The following NBAS variants were observed in gnomAD, a reference collection of about 807,000 sequenced individuals.
NBAS encodes NAG/BC035112 fusion.
Under a neutral mutation model 302.5 loss-of-function variants are expected in NBAS, and 219 were observed. That is an observed-to-expected ratio of 0.72 (90% CI 0.65 to 0.81). The LOEUF is 0.81. Among genes scored for constraint, NBAS ranks in the 30% least tolerant of loss-of-function variants. NBAS has a pLI of 0.00. For synonymous variants in NBAS, 1,118 were observed against 1,021.6 expected (o/e 1.09, Z -1.80); for missense variants, 2,932 against 2,841.6 (o/e 1.03, Z -0.72).
At chr2:14,912,599 A>T in the NBAS span, among the ~76,000 whole-genome samples, 2 of 150,632 alleles carry the variant, frequency 1.3e-5, no homozygotes, top group Admixed American at 6.7e-5. Flanking sequence ...TCTAGTTTAG[A>T]TATCTTCTCC....
the NBAS span, among the ~76,000 whole-genome samples, chr2:14,884,868 A>G: frequency 1.3e-5 from 2 of 152,238 alleles, no homozygotes; most frequent in Non-Finnish European, 2.9e-5. Context: ...GACAGAATCC[A>G]GTGATATGAA....
intron 27 of NBAS, among the ~76,000 whole-genome samples, chr2:15,395,597 G>A (rs533292802): frequency 1.3e-5 from 2 of 151,904 alleles, no homozygotes; most frequent in African/African-American, 2.4e-5. Flanking sequence ...TTCCCTTAAA[G>A]GCAACTTGAA....
chr2:15,218,978 A>G lies in NBAS; in HGVS notation c.6237-10T>C, dbSNP rs1666790331. 6.2e-7 allele frequency: 1 copy of G among 1,614,174 alleles called. No individual in the cohort carries two copies. The highest frequency in any genetic ancestry group is 8.5e-7 in the Non-Finnish European group (1 of 1,180,002). On this transcript the variant is annotated splice_polypyrimidine_tract_variant and intron_variant, in intron 47 of 51. Transcript: ENST00000281513. ...TGAAACCAGCTCCTCACTGCAGGGC[A>G]AAATCCAGAGGTATCTGTAAACTCC...
chr2:15,103,037 T>A, the NBAS span, among the ~76,000 whole-genome samples: 131,766 of 137,366 alleles, frequency 0.96, 63,124 homozygotes, highest in East Asian at 0.99. Context: ...GGAAAGAGGG[T>A]CGGAGGGAGG....
intron 44 of NBAS, among the ~76,000 whole-genome samples, chr2:15,252,297 G>A (rs911300194): frequency 9.2e-5 from 14 of 152,180 alleles, no homozygotes; most frequent in Admixed American, 6.5e-4. Flanking sequence ...TTGGGAGCTC[G>A]AGACCAGCAC....
chr2:14,955,737 C>A, the NBAS span, among the ~76,000 whole-genome samples: 2 of 152,172 alleles, frequency 1.3e-5, no homozygotes, highest in African/African-American at 4.8e-5. Context: ...ACAGCTTGAG[C>A]TAAAGTAGCT....
intron 21 of NBAS, among the ~76,000 whole-genome samples, chr2:15,446,803 C>T (rs960109914): frequency 2.0e-5 from 3 of 150,748 alleles, no homozygotes; most frequent in Non-Finnish European, 4.4e-5. Flanking sequence ...TTACATTATA[C>T]ATGAAGTACT....
intron 12 of NBAS, among the ~76,000 whole-genome samples, chr2:15,481,896 A>G (rs1404714323): frequency 6.6e-6 from 1 of 152,138 alleles, no homozygotes; most frequent in Non-Finnish European, 1.5e-5. Flanking sequence ...TATAAAACCT[A>G]AAAACATCGC....
intron 35 of NBAS, among the ~76,000 whole-genome samples, chr2:15,346,164 A>AT (rs1209004214): frequency 2.0e-5 from 3 of 152,234 alleles, no homozygotes; most frequent in Non-Finnish European, 4.4e-5. Context: ...ATTGGATCTA[A>AT]TTAAACTAAA....
At chr2:15,298,645 A>G (rs1403234484) in intron 40 of NBAS, among the ~76,000 whole-genome samples, 1 of 152,204 alleles carries the variant, frequency 6.6e-6, no homozygotes, top group South Asian at 2.1e-4. Flanking sequence ...TTCAAATTAA[A>G]TTTGAGTAAA....
the NBAS span, among the ~76,000 whole-genome samples, chr2:14,804,561 T>C: frequency 2.0e-5 from 3 of 152,224 alleles, no homozygotes; most frequent in East Asian, 3.8e-4. Context: ...CAGAAACTTA[T>C]GGAAGCCTAA....
At chr2:15,298,845 G>A (rs539647713) in intron 40 of NBAS, among the ~76,000 whole-genome samples, 10 of 152,276 alleles carry the variant, frequency 6.6e-5, no homozygotes, top group African/African-American at 2.4e-4. Context: ...GGGAAACACT[G>A]TTTCTTGTTT....
In NBAS at chr2:15,534,586, A is replaced by G. The variant is rs751927472; in HGVS notation, c.703T>C (p.Tyr235His). The G allele has an allele frequency of 1.5e-5, 24 of 1,613,818 alleles. No homozygotes were observed. The East Asian group carries it at 5.4e-4, about 36-fold the overall frequency. Residue 235 changes from tyrosine to histidine, a missense_variant, in exon 9 of 52, where the codon TAT (tyrosine) becomes CAT (histidine). By Grantham distance (83) the Tyr-to-His change is moderately conservative. Coordinates refer to ENST00000281513, the MANE Select transcript of NBAS (RefSeq NM_015909.4). Reference protein sequence around the residue: ...ESHCFSFSSHYPHGINTAIYH... With the variant: ...ESHCFSFSSHHPHGINTAIYH... ...ATAGCTGTGTTGATTCCATGAGGAT[A>G]ATGACTACTGAAGCTGAAACAGTGA...
the NBAS span, among the ~76,000 whole-genome samples, chr2:14,793,908 G>A: frequency 2.6e-5 from 4 of 151,958 alleles, no homozygotes; most frequent in Admixed American, 6.6e-5. Flanking sequence ...AATATTTTAC[G>A]AGTACCGTGA....
At chr2:15,022,401 C>G in the NBAS span, among the ~76,000 whole-genome samples, 1 of 152,170 alleles carries the variant, frequency 6.6e-6, no homozygotes, top group Non-Finnish European at 1.5e-5. Flanking sequence ...TGGCAGCAAT[C>G]TTACTACCCA....
chr2:15,061,105 G>T, the NBAS span, among the ~76,000 whole-genome samples: 1 of 152,228 alleles, frequency 6.6e-6, no homozygotes, highest in Non-Finnish European at 1.5e-5. Context: ...AGGATGAGAT[G>T]ATAAAACTTG....
At chr2:15,077,920 G>C in the NBAS span, among the ~76,000 whole-genome samples, 9 of 152,088 alleles carry the variant, frequency 5.9e-5, no homozygotes, top group Non-Finnish European at 5.9e-5. Context: ...CTGACCTTGT[G>C]ATCTGCCCGC....
chr2:15,166,925 TAC>T lies in NBAS; in HGVS notation c.*121_*122del, dbSNP rs1664043530. On this transcript the variant is annotated 3_prime_UTR_variant, in exon 52 of 52. Coordinates refer to ENST00000281513, the MANE Select transcript of NBAS (RefSeq NM_015909.4). ...AGCGGCAGCTTGCTCATCGTTTCCA[TAC>T]AGTTTTATTTGCAATTTGTTGGAAC... 7.7e-7 allele frequency: 1 copy of T among 1,299,976 alleles called. No individual in the cohort carries two copies. Among genetic ancestry groups the T allele is most frequent in the African/African-American group, 1.5e-5 (1 of 68,018 alleles). 80.5% of individuals were successfully genotyped at this position (1,299,976 alleles called of 1,614,324 possible).
At chr2:15,124,793 G>T in the NBAS span, among the ~76,000 whole-genome samples, 1 of 152,208 alleles carries the variant, frequency 6.6e-6, no homozygotes, top group Non-Finnish European at 1.5e-5. Context: ...GCTTATGGGT[G>T]CACAGAATGC....
Sources: gnomAD v4.1 joint callset for allele counts (sites outside exome capture counted in the v4.1 genomes callset) on GRCh38, gnomAD v4.1.1 for gene constraint, MANE v1.5 for transcripts, NCBI Gene and HGNC (gene_info 2026-07-23, HGNC 2026-07-21) for gene names.